Variants in EVPL observed in about 807,000 individuals in gnomAD.
EVPL encodes the protein 210 kDa cornified envelope precursor protein.
Under a neutral mutation model 129.7 loss-of-function variants are expected in EVPL, and 94 were observed. The ratio of observed to expected loss-of-function variants is 0.72; its 90% CI spans 0.61 to 0.86. The LOEUF (loss-of-function observed/expected upper bound fraction) is 0.86, where lower values mean the gene tolerates loss of function less well. Among genes scored for constraint, EVPL ranks in the 40% least tolerant of loss-of-function variants. The pLI is 0.00. For synonymous variants in EVPL, 1,172 were observed against 1,191.1 expected (o/e 0.98, Z 0.33); for missense variants, 2,625 against 2,721.1 (o/e 0.96, Z 0.79).
At chr17:76,018,713 C>A (rs2144425359) in intron 11 of EVPL, 113 bp from the exon 12 acceptor site, 2 of 1,294,758 alleles carry the variant, frequency 1.5e-6, no homozygotes, top group South Asian at 1.5e-5. Context: ...GGAACAGGGA[C>A]AAGAGTAGGG....
chr17:76,007,311 C>T lies in EVPL; in HGVS notation c.5894G>A (p.Ser1965Asn), dbSNP rs2066325167. 1.3e-6 allele frequency: 2 copies of T among 1,557,160 alleles called. No homozygotes were observed. The highest frequency in any genetic ancestry group is 1.2e-5 in the South Asian group (1 of 84,104). ...IQQALLSGMI[S>N]EELAQLLQDE... ...CTGCAGGAGCTGGGCCAGCTCTTCA[C>T]TGATCATCCCGGAGAGGAGGGCCTG... Residue 1965 changes from serine (S) to asparagine (N), a missense_variant, in exon 22 of 22, where the codon AGT becomes AAT. Ser to Asn is a conservative substitution (Grantham distance 46). This residue lies in a region of EVPL where 1,453 missense variants were observed against 1,511.8 expected (regional missense o/e 0.96). Coordinates refer to ENST00000301607, the MANE Select transcript of EVPL (RefSeq NM_001988.4). The surrounding 1 kb of genome is among the most constrained non-coding windows in gnomAD (Gnocchi z 8.8).
chr17:76,008,126 C>G lies in EVPL; in HGVS notation c.5079G>C (p.Thr1693=). ...STKISILEPE[T]GKDMSPYEAY... is the part of the protein sequence containing the mutation. ...CCTCGTATGGGGACATGTCCTTCCCCGTCTCGGGTTCCAGGATGGAGATCT... is the reference window on the plus strand; with the variant it reads ...CCTCGTATGGGGACATGTCCTTCCCGGTCTCGGGTTCCAGGATGGAGATCT... The change falls in exon 22 of 22, where the codon ACG becomes ACC. Residue 1693 remains threonine, a synonymous_variant. Coordinates refer to ENST00000301607, the MANE Select transcript of EVPL (RefSeq NM_001988.4). This position sits in a 1 kb window ranked among gnomAD's most constrained non-coding sequence, Gnocchi z 7.4. 6.2e-7 allele frequency: 1 copy of G among 1,614,188 alleles called. No homozygotes were observed. The highest frequency in any genetic ancestry group is 8.5e-7 in the Non-Finnish European group (1 of 1,180,038).
At position 76,007,976 on chromosome 17, in the gene EVPL, G is replaced by A. The variant is rs778352945; in HGVS notation, c.5229C>T (p.Ser1743=). ...GEESVLLDRK[S]GKQYSIEAAL... ...CGGCCTCGATGGAGTACTGCTTCCC[G>A]CTCTTGCGGTCCAGGAGCACAGACT... Residue 1743 remains serine, a synonymous_variant, in exon 22 of 22, where the codon AGC becomes AGT. Transcript: ENST00000301607. The surrounding 1 kb of genome is among the most constrained non-coding windows in gnomAD (Gnocchi z 8.8). The A allele has an allele frequency of 4.3e-6, 7 of 1,614,110 alleles. No individual in the cohort carries two copies. In the East Asian group the frequency reaches 8.9e-5, roughly 21 times the overall value.
Position 76,024,061 on chromosome 17 carries a change from A to G in EVPL, c.158T>C (p.Val53Ala), listed in dbSNP as rs981876694. 4.3e-6 allele frequency: 7 copies of G among 1,613,704 alleles called. No homozygotes were observed. In the Admixed American group the frequency reaches 6.7e-5, roughly 15 times the overall value. ...ISRMQANADQ[V>A]ERDILETQKR... is the part of the protein sequence containing the mutation. ...CTGCGTCTCCAGGATGTCCCGCTCCACCTGGTCGGCGTTGGCTTGCATGCG... is the reference window on the plus strand; with the variant it reads ...CTGCGTCTCCAGGATGTCCCGCTCCGCCTGGTCGGCGTTGGCTTGCATGCG... The change falls in exon 2 of 22, where the codon GTG (valine) becomes GCG (alanine). Residue 53 changes from valine to alanine, a missense_variant. By Grantham distance (64) the Val-to-Ala change is moderately conservative. This residue lies in a region of EVPL where 139 missense variants were observed against 186.8 expected (regional missense o/e 0.74). Coordinates refer to ENST00000301607, the MANE Select transcript of EVPL (RefSeq NM_001988.4). This position sits in a 1 kb window ranked among gnomAD's most constrained non-coding sequence, Gnocchi z 4.5.
chr17:76,009,577 TCTC>T lies in EVPL; in HGVS notation c.3625_3627del (p.Glu1209del). The T allele has an allele frequency of 1.2e-6, 2 of 1,614,048 alleles. No individual in the cohort carries two copies. Among genetic ancestry groups the T allele is most frequent in the Non-Finnish European group, 1.7e-6 (2 of 1,180,014 alleles). On this transcript the variant is annotated inframe_deletion, in exon 22 of 22. Transcript: ENST00000301607. This position sits in a 1 kb window ranked among gnomAD's most constrained non-coding sequence, Gnocchi z 5.9. The stretch of plus-strand genomic sequence containing the variant: ...TGCAGCTTGGCCTTGAGCCGAGTGA[TCTC>T]CTGCTCTGTCTCCGGATCCACCTGG...
Position 76,024,131 on chromosome 17 carries a change from G to A in EVPL, c.99-11C>T. On this transcript the variant is annotated splice_polypyrimidine_tract_variant and intron_variant, in intron 1 of 21. Transcript: ENST00000301607. The surrounding 1 kb of genome is among the most constrained non-coding windows in gnomAD (Gnocchi z 4.5). ...TCCTGGGTGGCAGCCCTAGTGTGTG[G>A]AGGGGACAGCGGGTAGCTCGGTGGA... 6.2e-7 allele frequency: 1 copy of A among 1,612,526 alleles called. No individual in the cohort carries two copies. The highest frequency in any genetic ancestry group is 8.5e-7 in the Non-Finnish European group (1 of 1,179,416).
rs1489054490 is a variant in EVPL at position 76,013,068 on chromosome 17, C to T, written c.2374-979G>A. ...CTGAGAATTCATATTTCTGATAAGTCCCCAGGTGATGCTGCTACAGCTCAT... is the reference window on the plus strand; with the variant it reads ...CTGAGAATTCATATTTCTGATAAGTTCCCAGGTGATGCTGCTACAGCTCAT... On this transcript the variant is annotated intron_variant, in intron 18 of 21. Transcript: ENST00000301607. This position sits in a 1 kb window ranked among gnomAD's most constrained non-coding sequence, Gnocchi z 4.3. Among the ~76,000 whole-genome samples, 2 of 151,870 alleles carry T rather than the reference C, an allele frequency of 1.3e-5. No homozygotes were observed. The highest frequency in any genetic ancestry group is 6.6e-5 in the Admixed American group (1 of 15,256).
rs140236352 is a variant in EVPL, at chr17:76,007,415, G to A, written c.5790C>T (p.Ser1930=). The stretch of plus-strand genomic sequence containing the variant: ...GCTGCACCTGCAGGTGTGGGAGCAC[G>A]CTCTCCCGGGGCATCCAGCCCTTCT... The part of the protein sequence containing the change: ...AVQKGWMPRE[S]VLPHLQVQHL... The change falls in exon 22 of 22, where the codon AGC becomes AGT. Residue 1930 remains serine, a synonymous_variant. Coordinates refer to ENST00000301607, the MANE Select transcript of EVPL (RefSeq NM_001988.4). This position sits in a 1 kb window ranked among gnomAD's most constrained non-coding sequence, Gnocchi z 8.8. 7.5e-5 allele frequency: 121 copies of A among 1,603,318 alleles called. No individual in the cohort carries two copies. In the African/African-American group the frequency reaches 1.1e-3, roughly 15 times the overall value.
rs1233003644 is a variant in EVPL, at chr17:76,015,270, G to A, written c.1985C>T (p.Pro662Leu). Residue 662 changes from proline (P) to leucine (L), a missense_variant, in exon 16 of 22, where the codon CCT (proline) becomes CTT (leucine). Pro to Leu is a moderately conservative substitution (Grantham distance 98). This residue lies in a region of EVPL where 1,024 missense variants were observed against 997.5 expected (regional missense o/e 1.03). Coordinates refer to ENST00000301607, the MANE Select transcript of EVPL (RefSeq NM_001988.4). ...CTCCTGCAGAGCCCCCGGTTCAGCAGGGATGGGGGCCTCCTGCACCAGGGT... is the reference window on the plus strand; with the variant it reads ...CTCCTGCAGAGCCCCCGGTTCAGCAAGGATGGGGGCCTCCTGCACCAGGGT... ...EATLVQEAPIPAEPGALQERV... is the reference protein window; with the variant it reads ...EATLVQEAPILAEPGALQERV... 6.2e-7 allele frequency: 1 copy of A among 1,603,090 alleles called. No homozygotes were observed. The highest frequency in any genetic ancestry group is 8.5e-7 in the Non-Finnish European group (1 of 1,178,874).
In EVPL at chr17:76,013,287, A is replaced by G. The variant is rs1434531974; in HGVS notation, c.2373+1139T>C. Among the ~76,000 whole-genome samples, 2 of 152,086 alleles carry G rather than the reference A, an allele frequency of 1.3e-5. No individual in the cohort carries two copies. The highest frequency in any genetic ancestry group is 2.9e-5 in the Non-Finnish European group (2 of 67,998). ...AGCCAGGGCTGAGAATCTCTGTCCC[A>G]GGCCCCCTTCCCAATGTCACCTCCC... On this transcript the variant is annotated intron_variant, in intron 18 of 21. Transcript: ENST00000301607. This position sits in a 1 kb window ranked among gnomAD's most constrained non-coding sequence, Gnocchi z 4.3.
In EVPL at chr17:76,021,694, G is replaced by C. The variant is rs763533605; in HGVS notation, c.895C>G (p.Pro299Ala). 23 of 1,564,638 alleles carry C rather than the reference G, an allele frequency of 1.5e-5. No homozygotes were observed. Among genetic ancestry groups the C allele is most frequent in the Admixed American group, 6.9e-5 (4 of 58,296 alleles). Residue 299 changes from proline to alanine, a missense_variant, in exon 8 of 22, where the codon CCC becomes GCC. By Grantham distance (27) the Pro-to-Ala change is conservative. This residue lies in a region of EVPL where 1,024 missense variants were observed against 997.5 expected (regional missense o/e 1.03). Transcript: ENST00000301607. Reference sequence around the variant, plus strand: ...CGCACCTGGATGGGCCCCACCGCGGGGTGCCGCAGCTCCACCATGCGCTCG... The same window carrying C: ...CGCACCTGGATGGGCCCCACCGCGGCGTGCCGCAGCTCCACCATGCGCTCG... ...DGERMVELRH[P>A]AVGPIQAHQE... is the part of the protein sequence containing the mutation.
Position 76,024,199 on chromosome 17 carries a change from C to T in EVPL, c.99-79G>A. On this transcript the variant is annotated intron_variant, in intron 1 of 21. Coordinates refer to ENST00000301607, the MANE Select transcript of EVPL (RefSeq NM_001988.4). This position sits in a 1 kb window ranked among gnomAD's most constrained non-coding sequence, Gnocchi z 4.5. Reference sequence around the variant, plus strand: ...CCATCCAGGTGGCATCCCCTGCCCTCCCTCCACCCCATCCTGCCCCCACAG... The same window carrying T: ...CCATCCAGGTGGCATCCCCTGCCCTTCCTCCACCCCATCCTGCCCCCACAG... 7.5e-7 allele frequency: 1 copy of T among 1,334,504 alleles called. No individual in the cohort carries two copies. The highest frequency in any genetic ancestry group is 1.1e-6 in the Non-Finnish European group (1 of 948,810). The allele number at this position is 1,334,504 out of a possible 1,614,324, so 82.7% of individuals were successfully genotyped here. A position where few individuals can be genotyped will look rare whatever the true frequency, so the allele number is the denominator to read the frequency against.
At position 76,015,159 on chromosome 17, in the gene EVPL, C is replaced by A. The variant is rs561644832; in HGVS notation, c.2029-50G>T. On this transcript the variant is annotated intron_variant, in intron 16 of 21. Coordinates refer to ENST00000301607, the MANE Select transcript of EVPL (RefSeq NM_001988.4). ...TGCACCCTCGTGGCTGGGGAGACGCCGTGTCCACCCACCCGCCCCTGAATG... is the reference window on the plus strand; with the variant it reads ...TGCACCCTCGTGGCTGGGGAGACGCAGTGTCCACCCACCCGCCCCTGAATG... 14 of 1,557,986 alleles carry A rather than the reference C, an allele frequency of 9.0e-6. No individual in the cohort carries two copies. The African/African-American group carries it at 1.2e-4, about 13-fold the overall frequency.
rs766819423 is a variant in EVPL at position 76,008,755 on chromosome 17, C to T, written c.4450G>A (p.Asp1484Asn). Residue 1484 changes from aspartate (D) to asparagine (N), a missense_variant, in exon 22 of 22, where the codon GAC becomes AAC. Physicochemically the swap from Asp to Asn is conservative, Grantham distance 23. Around this residue, in one of 4 missense-constraint regions of EVPL, gnomAD observed 1,453 missense variants for 1,511.8 expected, o/e 0.96. Transcript: ENST00000301607. The surrounding 1 kb of genome is among the most constrained non-coding windows in gnomAD (Gnocchi z 7.4). ...ACCTGGGTCTTCTCCTGGTCCAGGT[C>T]CCACCGCAGGGCTTCCGTGGACTTC... is the stretch of plus-strand genomic sequence containing the variant. ...LEKSTEALRWDLDQEKTQVTE... is the reference protein window; with the variant it reads ...LEKSTEALRWNLDQEKTQVTE... 1 of 1,614,130 alleles carries T rather than the reference C, an allele frequency of 6.2e-7. No homozygotes were observed. The highest frequency in any genetic ancestry group is 1.1e-5 in the South Asian group (1 of 91,078).
intron 14 of EVPL, among the ~76,000 whole-genome samples, chr17:76,016,569 C>G (rs920954388): frequency 2.0e-5 from 3 of 152,184 alleles, no homozygotes; most frequent in Admixed American, 2.0e-4. Context: ...GAGCCTTGAT[C>G]ATGCCACTGG....
In EVPL at chr17:76,027,087, C is replaced by G. The variant is rs2066503488; in HGVS notation, c.98+14G>C. Reference sequence around the variant, plus strand: ...CCCCAGTTCCCCGGCTCCCCATCCCCCAGTCCCACTTACCGGCTGTGCCTG... The same window carrying G: ...CCCCAGTTCCCCGGCTCCCCATCCCGCAGTCCCACTTACCGGCTGTGCCTG... On this transcript the variant is annotated intron_variant, in intron 1 of 21. Transcript: ENST00000301607. 4 of 1,441,986 alleles carry G rather than the reference C, an allele frequency of 2.8e-6. No homozygotes were observed. In the African/African-American group the frequency reaches 5.9e-5, roughly 21 times the overall value. 89.3% of individuals were successfully genotyped at this position (1,441,986 alleles called of 1,614,324 possible). A position where few individuals can be genotyped will look rare whatever the true frequency, so the allele number is the denominator to read the frequency against.
intron 21 of EVPL, 154 bp downstream of exon 21, chr17:76,011,422 C>T (rs1444276003): frequency 1.4e-6 from 1 of 701,756 alleles, no homozygotes; most frequent in African/African-American, 1.8e-5. Flanking sequence ...AATCCGCTCC[C>T]CTCTCCAGCA....
At position 76,027,182 on chromosome 17, in the gene EVPL, C is replaced by G; in HGVS notation, c.17G>C (p.Ser6Thr). Residue 6 changes from serine (S) to threonine (T), a missense_variant, in exon 1 of 22, where the codon AGC becomes ACC. Ser to Thr is a moderately conservative substitution (Grantham distance 58). Around this residue, in one of 4 missense-constraint regions of EVPL, gnomAD observed 139 missense variants for 186.8 expected, o/e 0.74. Coordinates refer to ENST00000301607, the MANE Select transcript of EVPL (RefSeq NM_001988.4). Reference sequence around the variant, plus strand: ...GGACCCCTTCCCCTGGGAGCCTTTGCTCAGCCCCTTGAACATGGTCGTAAA... The same window carrying G: ...GGACCCCTTCCCCTGGGAGCCTTTGGTCAGCCCCTTGAACATGGTCGTAAA... MFKGL[S>T]KGSQGKGSPK... The G allele has an allele frequency of 6.2e-7, 1 of 1,600,060 alleles. No individual in the cohort carries two copies. The highest frequency in any genetic ancestry group is 8.5e-7 in the Non-Finnish European group (1 of 1,174,940).
chr17:76,014,791 T>A (rs1273498677), intron 17 of EVPL, 125 bp downstream of exon 17: 3 of 1,170,138 alleles, frequency 2.6e-6, no homozygotes, highest in Non-Finnish European at 3.5e-6. Context: ...TGTTATCCCA[T>A]TTTAGAGATG....
Sources: gnomAD v4.1 joint callset for allele counts (sites outside exome capture counted in the v4.1 genomes callset) on GRCh38, gnomAD v4.1.1 for gene constraint, gnomAD v4.1.1 regional missense constraint, Gnocchi (gnomAD v3.1) non-coding constraint, MANE v1.5 for transcripts, NCBI Gene and HGNC (gene_info 2026-07-23, HGNC 2026-07-21) for gene names.